ATP8B4: variants seen among roughly 807,000 people sequenced by gnomAD.
ATP8B4 encodes ATPase phospholipid transporting 8B4 (putative), also known as probable phospholipid-transporting ATPase IM.
A neutral mutation model predicts 145.6 loss-of-function variants in ATP8B4; 133 were observed. The observed-to-expected ratio is 0.91, with a 90% CI of 0.79 to 1.05. The LOEUF is 1.05. ATP8B4 is among the 50% of genes least tolerant of loss of function. The probability of loss-of-function intolerance (pLI) is 0.00; values close to 1 mark genes in which losing one functional copy is unlikely to be tolerated. For missense variants in ATP8B4, 1,458 were observed against 1,425.2 expected (o/e 1.02, Z -0.37); for synonymous variants, 507 against 492.9 (o/e 1.03, Z -0.38).
chr15:50,087,422 C>T (rs899377870), intron 2 of ATP8B4, among the ~76,000 whole-genome samples: 1 of 144,128 alleles, frequency 6.9e-6, no homozygotes, highest in Non-Finnish European at 1.5e-5. Context: ...TATTACATAT[C>T]ATATATATTT....
At position 49,876,368 on chromosome 15, in the gene ATP8B4, G is replaced by A. The variant is rs114897082; in HGVS notation, c.2937C>T (p.Asn979=). The A allele has an allele frequency of 4.8e-5, 77 of 1,614,098 alleles. 1 individual carries two copies. The East Asian group carries it at 7.8e-4, about 16-fold the overall frequency. Residue 979 remains asparagine (N), a synonymous_variant, in exon 25 of 28, where the codon AAC becomes AAT. Coordinates refer to ENST00000284509, the MANE Select transcript of ATP8B4 (RefSeq NM_024837.4). ...TATGTTGCCCATCTTCTCCAGCCAC[G>A]TTGTAAAAGGCCCCATAGGGGATGA... is the stretch of plus-strand genomic sequence containing the variant. ...LFFIPYGAFY[N]VAGEDGQHIA...
At chr15:50,083,028 G>A (rs1399912957) in intron 2 of ATP8B4, among the ~76,000 whole-genome samples, 1 of 152,200 alleles carries the variant, frequency 6.6e-6, no homozygotes, top group African/African-American at 2.4e-5. Context: ...GCAAATTGGT[G>A]TGTGCCTTGG....
At chr15:49,929,050 C>T (rs1437936696) in intron 16 of ATP8B4, among the ~76,000 whole-genome samples, 2 of 152,084 alleles carry the variant, frequency 1.3e-5, no homozygotes, top group African/African-American at 2.4e-5. Context: ...GAGGCTGAGG[C>T]CCAGCAATCT....
At chr15:49,883,891 A>G (rs1355910158) in intron 23 of ATP8B4, among the ~76,000 whole-genome samples, 1 of 152,094 alleles carries the variant, frequency 6.6e-6, no homozygotes, top group Non-Finnish European at 1.5e-5. Context: ...ATAATACAAA[A>G]AGTTATGTAT....
chr15:49,942,887 G>A (rs1331709359), intron 14 of ATP8B4, among the ~76,000 whole-genome samples: 1 of 151,952 alleles, frequency 6.6e-6, no homozygotes, highest in Admixed American at 6.6e-5. Flanking sequence ...TTAGTCTAAA[G>A]AAACAGAGGT....
chr15:49,996,858 C>T, intron 8 of ATP8B4, 99 bp from the exon 9 acceptor site: 1 of 788,820 alleles, frequency 1.3e-6, no homozygotes, highest in Non-Finnish European at 2.1e-6. Flanking sequence ...AAGCCAAACC[C>T]AAGAGATCCA....
chr15:50,040,437 T>C (rs1284228199), intron 5 of ATP8B4, among the ~76,000 whole-genome samples: 1 of 152,248 alleles, frequency 6.6e-6, no homozygotes, highest in Non-Finnish European at 1.5e-5. Flanking sequence ...CCCATCATTA[T>C]TAAACTCTCC....
chr15:50,040,495 C>G (rs1018177281), intron 5 of ATP8B4, among the ~76,000 whole-genome samples: 2 of 152,222 alleles, frequency 1.3e-5, no homozygotes, highest in African/African-American at 4.8e-5. Context: ...AAGACCCTGA[C>G]TGGTGAAGGT....
chr15:50,109,486 C>T (rs965063559), intron 1 of ATP8B4, among the ~76,000 whole-genome samples: 8 of 151,968 alleles, frequency 5.3e-5, no homozygotes, highest in Admixed American at 2.6e-4. Flanking sequence ...TATCTGGTGG[C>T]CCCACTTGGC....
intron 1 of ATP8B4, among the ~76,000 whole-genome samples, chr15:50,171,141 A>G (rs981558583): frequency 1.3e-5 from 2 of 152,244 alleles, no homozygotes; most frequent in African/African-American, 4.8e-5. Context: ...TGACAGCACT[A>G]GACAGGTCAT....
chr15:49,970,922 T>C (rs2045057085), intron 13 of ATP8B4, among the ~76,000 whole-genome samples: 1 of 151,896 alleles, frequency 6.6e-6, no homozygotes, highest in Non-Finnish European at 1.5e-5. Flanking sequence ...CCAAAAGAGA[T>C]ATATAGACCA....
chr15:50,138,334 A>G (rs768299738), intron 1 of ATP8B4, among the ~76,000 whole-genome samples: 3 of 35,424 alleles, frequency 8.5e-5, no homozygotes, highest in African/African-American at 1.4e-4. Context: ...AGGTAGATAG[A>G]TAGATAGATA....
chr15:49,885,879 T>G (rs1267293352), intron 23 of ATP8B4: 1 of 152,300 alleles, frequency 6.6e-6, no homozygotes, highest in African/African-American at 2.4e-5. Context: ...TCTCCTCTGC[T>G]GGGATGTCCA....
intron 2 of ATP8B4, among the ~76,000 whole-genome samples, chr15:50,078,633 G>C (rs957801209): frequency 6.6e-6 from 1 of 151,986 alleles, no homozygotes; most frequent in Admixed American, 6.6e-5. Context: ...CTGCTCCAGA[G>C]TAAGATGTAA....
At chr15:50,019,783 C>A (rs1173776316) in intron 6 of ATP8B4, among the ~76,000 whole-genome samples, 2 of 152,136 alleles carry the variant, frequency 1.3e-5, no homozygotes, top group African/African-American at 4.8e-5. Context: ...TTTCTTCAAA[C>A]CTTTTCTTTG....
intron 23 of ATP8B4, among the ~76,000 whole-genome samples, chr15:49,882,236 C>A (rs1236840990): frequency 1.3e-5 from 2 of 152,046 alleles, no homozygotes; most frequent in African/African-American, 2.4e-5. Flanking sequence ...TGGTTCAGAG[C>A]AGTGCGACCC....
chr15:49,916,660 T>A (rs190515342), intron 20 of ATP8B4, among the ~76,000 whole-genome samples: 2 of 152,278 alleles, frequency 1.3e-5, no homozygotes, highest in East Asian at 3.9e-4. Context: ...AGCACAATTT[T>A]AAAGGACAAC....
chr15:50,041,843 G>A (rs2051309811), intron 5 of ATP8B4, among the ~76,000 whole-genome samples: 1 of 152,208 alleles, frequency 6.6e-6, no homozygotes, highest in Admixed American at 6.5e-5. Context: ...AGGAGGCTGA[G>A]GCAGGAGAAT....
At chr15:49,987,655 TG>T in intron 9 of ATP8B4, 106 bp from the exon 10 acceptor site, 1 of 1,145,996 alleles carries the variant, frequency 8.7e-7, no homozygotes. Context: ...TTAGACAGCC[TG>T]GGGTTACATA....
Sources: gnomAD v4.1 joint callset for allele counts (sites outside exome capture counted in the v4.1 genomes callset) on GRCh38, gnomAD v4.1.1 for gene constraint, MANE v1.5 for transcripts, NCBI Gene and HGNC (gene_info 2026-07-23, HGNC 2026-07-21) for gene names.